ABCA1: variants seen among roughly 807,000 people sequenced by gnomAD.
ABCA1 encodes phospholipid-transporting ATPase ABCA1.
In ABCA1, 133 loss-of-function variants were observed where a neutral mutation model predicts 262.5. That is an observed-to-expected ratio of 0.51 (90% confidence interval 0.44 to 0.59). The LOEUF is 0.59. Among genes scored for constraint, ABCA1 ranks in the 20% least tolerant of loss-of-function variants. ABCA1 has a pLI of 0.00. For synonymous variants in ABCA1, 1,022 were observed against 1,043.5 expected, an observed-to-expected ratio of 0.98 and a Z score of 0.40; for missense variants, 2,452 against 2,777.5, an observed-to-expected ratio of 0.88 and a Z score of 2.63.
intron 5 of ABCA1, among the ~76,000 whole-genome samples, chr9:104,871,043 A>G (rs1837562616): frequency 1.3e-5 from 2 of 152,210 alleles, no homozygotes; most frequent in Admixed American, 1.3e-4. Context: ...ATCTGGGCGT[A>G]TATGTGCAAG....
intron 1 of ABCA1, among the ~76,000 whole-genome samples, chr9:104,907,072 C>A (rs1588568682): frequency 6.6e-6 from 1 of 152,182 alleles, no homozygotes; most frequent in Admixed American, 6.5e-5. Context: ...CCAGTGCTCA[C>A]CAAGGTCTAC....
intron 44 of ABCA1, among the ~76,000 whole-genome samples, chr9:104,789,724 T>G (rs1488899428): frequency 1.3e-5 from 2 of 152,182 alleles, no homozygotes; most frequent in Non-Finnish European, 2.9e-5. Flanking sequence ...TAGGTTGAGA[T>G]ATAAAATGTA....
rs1831881377 is a variant in ABCA1 at position 104,817,536 on chromosome 9, A to G, written c.3463-132T>C. 3.2e-6 allele frequency: 3 copies of G among 950,512 alleles called. No individual in the cohort carries two copies. Among genetic ancestry groups the G allele is most frequent in the South Asian group, 1.4e-5 (1 of 72,112 alleles). 58.9% of individuals were successfully genotyped at this position (950,512 alleles called of 1,614,324 possible). A position where few individuals can be genotyped will look rare whatever the true frequency, so the allele number is the denominator to read the frequency against. On this transcript the variant is annotated intron_variant, in intron 23 of 49. Transcript: ENST00000374736. This position sits in a 1 kb window ranked among gnomAD's most constrained non-coding sequence, Gnocchi z 4.7. Reference sequence around the variant, plus strand: ...AAGGAAAAAGCTTTCCCTGGGACACATGCACTGGCAGCCGTGGCTTCAGAG... The same window carrying G: ...AAGGAAAAAGCTTTCCCTGGGACACGTGCACTGGCAGCCGTGGCTTCAGAG...
At chr9:104,870,624 C>G (rs977664395) in intron 5 of ABCA1, among the ~76,000 whole-genome samples, 16 of 151,624 alleles carry the variant, frequency 1.1e-4, no homozygotes, top group African/African-American at 3.9e-4. Context: ...GAGCAGTGCC[C>G]TCACCAATAG....
chr9:104,814,025 T>C, intron 27 of ABCA1, 93 bp downstream of exon 27: 1 of 1,307,138 alleles, frequency 7.7e-7, no homozygotes, highest in Non-Finnish European at 1.1e-6. Flanking sequence ...TCTATCACCT[T>C]GGCTAAAGGC....
At chr9:104,922,734 C>T (rs145096409) in intron 1 of ABCA1, among the ~76,000 whole-genome samples, 119 of 152,062 alleles carry the variant, frequency 7.8e-4, no homozygotes, top group African/African-American at 2.5e-3. Flanking sequence ...TTTTTCAAGA[C>T]GGAGTCTCAC....
intron 13 of ABCA1, among the ~76,000 whole-genome samples, 168 bp downstream of exon 13, chr9:104,831,454 A>G (rs1196884801): frequency 6.6e-6 from 1 of 152,216 alleles, no homozygotes; most frequent in Non-Finnish European, 1.5e-5. Flanking sequence ...AAAACCTTCC[A>G]GCAAGTCATG....
At chr9:104,819,076 G>A (rs1392730985) in intron 22 of ABCA1, among the ~76,000 whole-genome samples, 193 bp from the exon 23 acceptor site, 1 of 152,176 alleles carries the variant, frequency 6.6e-6, no homozygotes, top group Non-Finnish European at 1.5e-5. Flanking sequence ...CCTCACAGAG[G>A]TAAGAACAGT....
rs570510895 is a variant in ABCA1, at chr9:104,914,086, A to G, written c.-92-10315T>C. Among the ~76,000 whole-genome samples the G allele has an allele frequency of 3.3e-5, 5 of 151,644 alleles. No homozygotes were observed. In the East Asian group the frequency reaches 1.0e-3, roughly 30 times the overall value. ...AGTGCTGGGATTACAGGCGTGAGCC[A>G]CCGCACCCGGCCCCCTACAAGTTTT... is the stretch of plus-strand genomic sequence containing the variant. On this transcript the variant is annotated intron_variant, in intron 1 of 49. Transcript: ENST00000374736.
intron 5 of ABCA1, among the ~76,000 whole-genome samples, chr9:104,875,684 C>G (rs1315962857): frequency 6.6e-6 from 1 of 152,072 alleles, no homozygotes; most frequent in Non-Finnish European, 1.5e-5. Flanking sequence ...ATTTCAGAAT[C>G]CCCCAAGTCA....
intron 5 of ABCA1, among the ~76,000 whole-genome samples, chr9:104,862,187 C>G (rs1836476469): frequency 6.6e-6 from 1 of 151,914 alleles, no homozygotes; most frequent in Non-Finnish European, 1.5e-5. Flanking sequence ...CACTGCAACC[C>G]CCGCCTCCCG....
intron 12 of ABCA1, 150 bp downstream of exon 12, chr9:104,832,424 G>T: frequency 2.3e-6 from 2 of 852,688 alleles, no homozygotes; most frequent in Non-Finnish European, 3.8e-6. Context: ...AGTGCCTTTT[G>T]TTATCAAATC....
At chr9:104,799,786 C>T (rs1588230433) in intron 36 of ABCA1, 33 bp downstream of exon 36, 1 of 1,614,090 alleles carries the variant, frequency 6.2e-7, no homozygotes, top group African/African-American at 1.3e-5. Flanking sequence ...CTCCCTTGCC[C>T]CACTCCATCT....
intron 23 of ABCA1, among the ~76,000 whole-genome samples, chr9:104,818,169 TA>T (rs34642413): frequency 0.53 from 76,449 of 145,326 alleles, 22,155 homozygotes; most frequent in Non-Finnish European, 0.66. Flanking sequence ...TGATAGAGGT[TA>T]AAAAAAAAAA....
At chr9:104,910,840 G>GAA in intron 1 of ABCA1, among the ~76,000 whole-genome samples, 1 of 152,244 alleles carries the variant, frequency 6.6e-6, no homozygotes, top group East Asian at 1.9e-4. Flanking sequence ...GAGTAGCTGG[G>GAA]ATTACAGGTG....
In ABCA1 at chr9:104,903,780, T is replaced by TA. The variant is rs1483013787; in HGVS notation, c.-92-10dup. On this transcript the variant is annotated splice_polypyrimidine_tract_variant and intron_variant, in intron 1 of 49. Coordinates refer to ENST00000374736, the MANE Select transcript of ABCA1 (RefSeq NM_005502.4). ...CCGTGGCTGGTCATTAACTGAAAGATAAAGCAGGAGGGGAAACAGCCATCA... is the reference window on the plus strand; with the variant it reads ...CCGTGGCTGGTCATTAACTGAAAGATAAAAGCAGGAGGGGAAACAGCCATCA... 1 of 1,123,918 alleles carries TA rather than the reference T, an allele frequency of 8.9e-7. No individual in the cohort carries two copies. The highest frequency in any genetic ancestry group is 1.3e-6 in the Non-Finnish European group (1 of 765,374). 69.6% of individuals were successfully genotyped at this position (1,123,918 alleles called of 1,614,324 possible). A position where few individuals can be genotyped will look rare whatever the true frequency, so the allele number is the denominator to read the frequency against.
chr9:104,797,391 T>C (rs1033224777), intron 37 of ABCA1, among the ~76,000 whole-genome samples: 1 of 152,222 alleles, frequency 6.6e-6, no homozygotes, highest in African/African-American at 2.4e-5. Context: ...TTCACAATCA[T>C]TTGTGTGAAA....
At chr9:104,838,407 A>G (rs2119027718) in intron 9 of ABCA1, among the ~76,000 whole-genome samples, 1 of 151,508 alleles carries the variant, frequency 6.6e-6, no homozygotes, top group Admixed American at 6.6e-5. Flanking sequence ...CAGGAGATCG[A>G]GACCATCCTG....
At chr9:104,925,374 T>TAAAAAAA (rs1588607927) in intron 1 of ABCA1, among the ~76,000 whole-genome samples, 2 of 99,094 alleles carry the variant, frequency 2.0e-5, no homozygotes, top group South Asian at 4.6e-4. Context: ...AGACTGCATC[T>TAAAAAAA]CAAAAAAAAA....
Sources: allele counts gnomAD v4.1 joint callset (sites outside exome capture counted in the v4.1 genomes callset), GRCh38; gene constraint gnomAD v4.1.1; non-coding constraint Gnocchi (gnomAD v3.1); transcripts MANE v1.5; gene names NCBI Gene and HGNC (gene_info 2026-07-23, HGNC 2026-07-21).